RREB1: variants seen among roughly 807,000 people sequenced by gnomAD.
RREB1 encodes the protein ras-responsive element-binding protein 1.
In RREB1, 27 loss-of-function variants were observed where a neutral mutation model predicts 117.8. That is an observed-to-expected ratio of 0.23 (90% confidence interval 0.17 to 0.32). The LOEUF is 0.32. Ranked by LOEUF, RREB1 falls within the 10% of genes least tolerant of loss-of-function variation. The probability of loss-of-function intolerance (pLI) is 1.00; values close to 1 mark genes in which losing one functional copy is unlikely to be tolerated. For synonymous variants in RREB1, 1,298 were observed against 1,026.7 expected (o/e 1.26, Z -5.05); for missense variants, 2,577 against 2,378.2 (o/e 1.08, Z -1.74).
intron 8 of RREB1, among the ~76,000 whole-genome samples, chr6:7,225,261 G>A (rs946678179): frequency 2.6e-5 from 4 of 152,130 alleles, no homozygotes; most frequent in Admixed American, 6.5e-5. Context: ...AATGATGCTC[G>A]GTATACAGCA....
chr6:7,137,922 C>G (rs1408918887), intron 1 of RREB1, among the ~76,000 whole-genome samples: 1 of 152,108 alleles, frequency 6.6e-6, no homozygotes, highest in African/African-American at 2.4e-5. Context: ...AGTTCCTTTT[C>G]TTTTTCAAGG....
At chr6:7,166,687 C>T (rs145438681) in intron 1 of RREB1, among the ~76,000 whole-genome samples, 129 of 152,334 alleles carry the variant, frequency 8.5e-4, no homozygotes, top group African/African-American at 2.9e-3. Context: ...GCATTTCAAA[C>T]GCTTGTATCT....
At chr6:7,154,557 C>T (rs944415596) in intron 1 of RREB1, among the ~76,000 whole-genome samples, 4 of 152,152 alleles carry the variant, frequency 2.6e-5, no homozygotes, top group Non-Finnish European at 5.9e-5. Context: ...CAGGTTTTAG[C>T]ACTTTATAGA....
Position 7,229,689 on chromosome 6 carries a change from C to CCAG in RREB1, c.1594_1596dup (p.Gln532dup). On this transcript the variant is annotated inframe_insertion, in exon 10 of 13. Coordinates refer to ENST00000379938, the MANE Select transcript of RREB1 (RefSeq NM_001003699.4). The surrounding 1 kb of genome is among the most constrained non-coding windows in gnomAD (Gnocchi z 4.5). Reference sequence around the variant, plus strand: ...CCACGCCCCCGCCTCTCATCAACGCCCAGCAGGCTTCCCCGGGCTGTATCA... The same window carrying CCAG: ...CCACGCCCCCGCCTCTCATCAACGCCCAGCAGCAGGCTTCCCCGGGCTGTATCA... 1 of 1,610,816 alleles carries CCAG rather than the reference C, an allele frequency of 6.2e-7. No homozygotes were observed. The highest frequency in any genetic ancestry group is 1.1e-5 in the South Asian group (1 of 90,804).
rs116821447 is a variant in RREB1, at chr6:7,181,922, G to A, written c.11G>A (p.Ser4Asn). Reference protein sequence around the residue: MTSSSPAGLEGSDL... With the variant: MTSNSPAGLEGSDL... ...TAAACCCCTGTCCCAATGACGTCAA[G>A]TTCGCCCGCTGGCTTGGAAGGTTCA... The change falls in exon 4 of 13, where the codon AGT (serine) becomes AAT (asparagine). Residue 4 changes from serine to asparagine, a missense_variant. By Grantham distance (46) the Ser-to-Asn change is conservative. Coordinates refer to ENST00000379938, the MANE Select transcript of RREB1 (RefSeq NM_001003699.4). 1,095 of 1,614,252 alleles carry A rather than the reference G, an allele frequency of 6.8e-4. 7 individuals carry two copies. In the African/African-American group the frequency reaches 0.01, roughly 15 times the overall value.
intron 6 of RREB1, among the ~76,000 whole-genome samples, chr6:7,195,477 A>C (rs2113572496): frequency 6.6e-6 from 1 of 152,334 alleles, no homozygotes; most frequent in East Asian, 1.9e-4. Context: ...ATCTCTCCCA[A>C]GCACATACCT....
At position 7,224,113 on chromosome 6, in the gene RREB1, T is replaced by C. The variant is rs1052893160; in HGVS notation, c.708-2354T>C. ...GTTGAATGCCATAATCGTAAAAATCTAGGATTCTGCTTTAGTTTGGCTTGC... is the reference window on the plus strand; with the variant it reads ...GTTGAATGCCATAATCGTAAAAATCCAGGATTCTGCTTTAGTTTGGCTTGC... On this transcript the variant is annotated intron_variant, in intron 8 of 12. Coordinates refer to ENST00000379938, the MANE Select transcript of RREB1 (RefSeq NM_001003699.4). 3.3e-5 allele frequency among the ~76,000 whole-genome samples: 5 copies of C among 152,156 alleles called. No homozygotes were observed. The East Asian group carries it at 9.6e-4, about 29-fold the overall frequency.
At chr6:7,195,960 T>C (rs939619946) in intron 6 of RREB1, among the ~76,000 whole-genome samples, 3 of 152,050 alleles carry the variant, frequency 2.0e-5, no homozygotes, top group African/African-American at 7.2e-5. Context: ...ATTTCTGGAG[T>C]TTCATTTCTC....
intron 8 of RREB1, chr6:7,216,129 G>C (rs1270937902): frequency 6.6e-6 from 1 of 152,284 alleles, no homozygotes; most frequent in Non-Finnish European, 1.5e-5. Context: ...AGTTTGTACT[G>C]TGTGCCAGGC....
At chr6:7,153,306 T>G (rs1186938501) in intron 1 of RREB1, among the ~76,000 whole-genome samples, 1 of 151,942 alleles carries the variant, frequency 6.6e-6, no homozygotes, top group Admixed American at 6.6e-5. Context: ...TTCTCCTGTT[T>G]TGGCAAAACA....
intron 3 of RREB1, 185 bp downstream of exon 3, chr6:7,181,431 A>G: frequency 2.4e-6 from 1 of 415,864 alleles, no homozygotes; most frequent in South Asian, 1.1e-4. Flanking sequence ...GTATTGCAGC[A>G]GTGGAGTTAA....
intron 6 of RREB1, among the ~76,000 whole-genome samples, chr6:7,199,462 G>C (rs949721586): frequency 6.6e-6 from 1 of 152,088 alleles, no homozygotes; most frequent in Non-Finnish European, 1.5e-5. Context: ...TAACAATTGG[G>C]GCAACGTAGA....
At chr6:7,137,310 G>C (rs1762384573) in intron 1 of RREB1, among the ~76,000 whole-genome samples, 1 of 152,228 alleles carries the variant, frequency 6.6e-6, no homozygotes, top group Non-Finnish European at 1.5e-5. Context: ...CGGGTACAGG[G>C]AGGCAGGGAA....
intron 10 of RREB1, among the ~76,000 whole-genome samples, chr6:7,234,420 CTTTTT>C (rs899512491): frequency 1.8e-4 from 27 of 152,066 alleles, no homozygotes; most frequent in Admixed American, 3.9e-4. Context: ...CTAGTATTTT[CTTTTT>C]TAAGAGTTGT....
Position 7,237,151 on chromosome 6 carries a change from T to A in RREB1, c.3809-3287T>A, listed in dbSNP as rs550138296. ...CTCAGGCTGGAGTGCAGTGGCGTGA[T>A]CTTGGCTCACCACAACCTCTGCCTC... On this transcript the variant is annotated intron_variant, in intron 10 of 12. Coordinates refer to ENST00000379938, the MANE Select transcript of RREB1 (RefSeq NM_001003699.4). Among the ~76,000 whole-genome samples the A allele has an allele frequency of 5.3e-5, 8 of 152,186 alleles. No individual in the cohort carries two copies. In the South Asian group the frequency reaches 1.7e-3, roughly 32 times the overall value.
chr6:7,127,303 G>A (rs1761981541), intron 1 of RREB1, among the ~76,000 whole-genome samples: 1 of 152,106 alleles, frequency 6.6e-6, no homozygotes, highest in Non-Finnish European at 1.5e-5. Flanking sequence ...AGAAGACAAG[G>A]TGTTTAGCAA....
rs374420422 is a variant in RREB1, at chr6:7,229,919, C to T, written c.1820C>T (p.Pro607Leu). Residue 607 changes from proline (P) to leucine (L), a missense_variant, in exon 10 of 13, where the codon CCG becomes CTG. Transcript: ENST00000379938. The surrounding 1 kb of genome is among the most constrained non-coding windows in gnomAD (Gnocchi z 4.5). Reference protein sequence around the residue: ...EQDSIIEALLPLSMEAKIKQE... With the variant: ...EQDSIIEALLLLSMEAKIKQE... The stretch of plus-strand genomic sequence containing the variant: ...GACAGCATCATCGAGGCCCTGCTGC[C>T]GCTGAGCATGGAGGCCAAGATCAAG... 1 of 1,599,078 alleles carries T rather than the reference C, an allele frequency of 6.3e-7. No individual in the cohort carries two copies. Among genetic ancestry groups the T allele is most frequent in the Non-Finnish European group, 8.6e-7 (1 of 1,169,174 alleles).
At position 7,228,977 on chromosome 6, in the gene RREB1, TAC is replaced by T. The variant is rs1767746840; in HGVS notation, c.898-19_898-18del. ...ATCTTCACATGTGTTCCCTTGCTTT[TAC>T]CGGTGGGTTCTATATAGGCCTGGTG... is the stretch of plus-strand genomic sequence containing the variant. On this transcript the variant is annotated intron_variant, in intron 9 of 12. Transcript: ENST00000379938. The T allele has an allele frequency of 3.4e-6, 5 of 1,481,974 alleles. No homozygotes were observed. The highest frequency in any genetic ancestry group is 2.3e-5 in the East Asian group (1 of 43,132). The allele number at this position is 1,481,974 out of a possible 1,614,324, so 91.8% of individuals were successfully genotyped here.
chr6:7,164,444 G>A (rs1763826253), intron 1 of RREB1, among the ~76,000 whole-genome samples: 1 of 152,194 alleles, frequency 6.6e-6, no homozygotes, highest in Admixed American at 6.5e-5. Context: ...TGTGGTAAAT[G>A]TCTGATTTAA....
Sources: allele counts gnomAD v4.1 joint callset (sites outside exome capture counted in the v4.1 genomes callset), GRCh38; gene constraint gnomAD v4.1.1; non-coding constraint Gnocchi (gnomAD v3.1); transcripts MANE v1.5; gene names NCBI Gene and HGNC (gene_info 2026-07-23, HGNC 2026-07-21).